SCAMP2: variants seen among roughly 807,000 people sequenced by gnomAD.
SCAMP2 encodes the protein secretory carrier membrane protein 2, also known as secretory carrier-associated membrane protein 2.
In SCAMP2, 25 loss-of-function variants were observed where a neutral mutation model predicts 44.1. That is an observed-to-expected ratio of 0.57 (90% CI 0.41 to 0.79). SCAMP2 has a LOEUF of 0.79. Ranked by LOEUF, SCAMP2 falls within the 30% of genes least tolerant of loss-of-function variation. SCAMP2 has a pLI of 0.00. For missense variants in SCAMP2, 355 were observed against 411.0 expected (o/e 0.86, Z 1.18); for synonymous variants, 156 against 166.0 (o/e 0.94, Z 0.46).
intron 1 of SCAMP2, among the ~76,000 whole-genome samples, chr15:74,856,525 T>C (rs896616814): frequency 1.1e-4 from 16 of 151,800 alleles, no homozygotes; most frequent in African/African-American, 3.1e-4. Context: ...TCCGCTCACC[T>C]CAGCCTCCCA....
chr15:74,854,467 T>C, intron 2 of SCAMP2, 114 bp downstream of exon 2: 1 of 892,126 alleles, frequency 1.1e-6, no homozygotes, highest in Non-Finnish European at 1.8e-6. Context: ...ACTGTCCCTT[T>C]GAGGACTGCC....
At chr15:74,851,241 G>C in intron 5 of SCAMP2, 112 bp downstream of exon 5, 1 of 1,261,242 alleles carries the variant, frequency 7.9e-7, no homozygotes, top group Non-Finnish European at 1.1e-6. Flanking sequence ...ACTGAGGAAG[G>C]CTGGAGTCTG....
At chr15:74,871,276 A>C (rs2064573058) in intron 1 of SCAMP2, among the ~76,000 whole-genome samples, 1 of 150,590 alleles carries the variant, frequency 6.6e-6, no homozygotes, top group African/African-American at 2.4e-5. Flanking sequence ...CATCACAGCG[A>C]GACCCCTTCT....
chr15:74,866,073 A>C (rs1033703844), intron 1 of SCAMP2, among the ~76,000 whole-genome samples: 1 of 151,906 alleles, frequency 6.6e-6, no homozygotes, highest in Non-Finnish European at 1.5e-5. Flanking sequence ...AAAAAAAGAA[A>C]GACAAAGTTT....
intron 6 of SCAMP2, among the ~76,000 whole-genome samples, chr15:74,848,992 T>C (rs1192947708): frequency 6.6e-6 from 1 of 152,116 alleles, no homozygotes; most frequent in African/African-American, 2.4e-5. Context: ...CTAACACTCC[T>C]GCAGTGAGCC....
chr15:74,868,649 C>A (rs1375731257), intron 1 of SCAMP2, among the ~76,000 whole-genome samples: 1 of 152,174 alleles, frequency 6.6e-6, no homozygotes, highest in Admixed American at 6.5e-5. Context: ...CTCAAGTGAT[C>A]CCCCTGTGGC....
intron 1 of SCAMP2, among the ~76,000 whole-genome samples, chr15:74,871,403 C>T (rs997249809): frequency 5.3e-5 from 8 of 152,016 alleles, no homozygotes; most frequent in Non-Finnish European, 1.0e-4. Flanking sequence ...GTCAAGGCTG[C>T]CATGACCTCC....
intron 4 of SCAMP2, 38 bp from the exon 5 acceptor site, chr15:74,851,519 G>A: frequency 6.2e-7 from 1 of 1,609,490 alleles, no homozygotes; most frequent in African/African-American, 1.3e-5. Context: ...TAAGGGCCCA[G>A]CCTCAGAAGG....
chr15:74,869,625 A>G (rs1295749430), intron 1 of SCAMP2, among the ~76,000 whole-genome samples: 1 of 152,240 alleles, frequency 6.6e-6, no homozygotes, highest in East Asian at 1.9e-4. Flanking sequence ...ACTCTGGCAC[A>G]TACCATCCTC....
Position 74,845,252 on chromosome 15 carries a change from C to T in SCAMP2, c.856-35G>A, listed in dbSNP as rs752909419. On this transcript the variant is annotated intron_variant, in intron 8 of 8. Coordinates refer to ENST00000268099, the MANE Select transcript of SCAMP2 (RefSeq NM_005697.5). ...AGGGGTGGGGTGAGAGAAGCCTGTC[C>T]TTTGGGCCCACCAGGAAGCCAGCCA... 11 of 1,604,762 alleles carry T rather than the reference C, an allele frequency of 6.9e-6. No individual in the cohort carries two copies. The South Asian group carries it at 1.1e-4, about 16-fold the overall frequency.
chr15:74,854,191 G>T, intron 2 of SCAMP2, 72 bp from the exon 3 acceptor site: 2 of 1,325,032 alleles, frequency 1.5e-6, no homozygotes, highest in Non-Finnish European at 2.2e-6. Context: ...CAAACCCACA[G>T]CAGGATGAGT....
intron 4 of SCAMP2, 173 bp downstream of exon 4, chr15:74,851,896 G>A: frequency 1.9e-6 from 1 of 515,870 alleles, no homozygotes; most frequent in South Asian, 3.3e-5. Flanking sequence ...CTACACTGCA[G>A]GTCTCCTGAC....
At chr15:74,845,654 A>C in intron 7 of SCAMP2, 61 bp from the exon 8 acceptor site, 3 of 1,599,732 alleles carry the variant, frequency 1.9e-6, no homozygotes, top group Non-Finnish European at 8.5e-7. Context: ...AAGTCAGCAT[A>C]AGGGGCTCTT....
In SCAMP2 at chr15:74,848,686, G is replaced by C; in HGVS notation, c.648C>G (p.Phe216Leu). 1.2e-6 allele frequency: 2 copies of C among 1,613,256 alleles called. No individual in the cohort carries two copies. The highest frequency in any genetic ancestry group is 1.7e-6 in the Non-Finnish European group (2 of 1,179,322). ...IYKAFRSDNS[F>L]SFFVFFFVFF... is the part of the protein sequence containing the mutation. The stretch of plus-strand genomic sequence containing the variant: ...ATACAAAGAAGAACACAAAGAAGCT[G>C]AAAGAGTTGTCGGACCTGTGGAGAG... The change falls in exon 7 of 9, where the codon TTC becomes TTG. Residue 216 changes from phenylalanine to leucine, a missense_variant. Physicochemically the swap from Phe to Leu is conservative, Grantham distance 22 (BLOSUM62 0). Coordinates refer to ENST00000268099, the MANE Select transcript of SCAMP2 (RefSeq NM_005697.5).
intron 1 of SCAMP2, among the ~76,000 whole-genome samples, chr15:74,856,264 C>CT (rs34812536): frequency 0.39 from 23,881 of 60,480 alleles, 7,330 homozygotes; most frequent in Non-Finnish European, 0.5. Flanking sequence ...AGAGCCAGTT[C>CT]TTTTTTTTTT....
At chr15:74,854,484 C>G (rs1462009435) in intron 2 of SCAMP2, 97 bp downstream of exon 2, 1 of 1,050,696 alleles carries the variant, frequency 9.5e-7, no homozygotes, top group Non-Finnish European at 1.5e-6. Flanking sequence ...TGCCGCTTCT[C>G]AGAGCTGCTT....
At chr15:74,865,074 CAAAAAAAAAAAAA>C (rs36079981) in intron 1 of SCAMP2, among the ~76,000 whole-genome samples, 4 of 32,826 alleles carry the variant, frequency 1.2e-4, no homozygotes, top group Non-Finnish European at 1.6e-4. Flanking sequence ...GACTCTATCT[CAAAAAAAAAAAAA>C]AAAAAAAAAA....
At chr15:74,859,363 C>A (rs529426812) in intron 1 of SCAMP2, among the ~76,000 whole-genome samples, 2 of 152,134 alleles carry the variant, frequency 1.3e-5, no homozygotes, top group Non-Finnish European at 2.9e-5. Flanking sequence ...CAAGTGGGCA[C>A]CCCCTGAAGG....
In SCAMP2 at chr15:74,854,017, C is replaced by T. The variant is rs1436239221; in HGVS notation, c.225+4G>A. On this transcript the variant is annotated splice_donor_region_variant and intron_variant, in intron 3 of 8. Transcript: ENST00000268099. ...AAAAGGCCAGAGTTCTTTGTCAGCA[C>T]TACCTGGGGGGTCGGCTGGGTTGGT... 2 of 1,612,668 alleles carry T rather than the reference C, an allele frequency of 1.2e-6. No individual in the cohort carries two copies.
Sources: gnomAD v4.1 joint callset for allele counts (sites outside exome capture counted in the v4.1 genomes callset) on GRCh38, gnomAD v4.1.1 for gene constraint, MANE v1.5 for transcripts, NCBI Gene and HGNC (gene_info 2026-07-23, HGNC 2026-07-21) for gene names.